The following PRKCI variants were observed in gnomAD, a reference collection of about 807,000 sequenced individuals.
PRKCI encodes protein kinase C iota type.
A neutral mutation model predicts 84.0 loss-of-function variants in PRKCI; 43 were observed. The ratio of observed to expected loss-of-function variants is 0.51; its 90% CI spans 0.40 to 0.66. The LOEUF (loss-of-function observed/expected upper bound fraction) is 0.66. PRKCI is among the 30% of genes least tolerant of loss of function. The pLI, the probability that PRKCI is intolerant of heterozygous loss-of-function variation, is 0.00. For synonymous variants in PRKCI, 216 were observed against 234.4 expected (o/e 0.92, Z 0.72); for missense variants, 459 against 745.6 (o/e 0.62, Z 4.48).
At chr3:170,302,776 G>A (rs915374955) in intron 17 of PRKCI, among the ~76,000 whole-genome samples, 2 of 152,146 alleles carry the variant, frequency 1.3e-5, no homozygotes, top group East Asian at 3.9e-4. Flanking sequence ...CTGGAATGGT[G>A]ACAACTGGTG....
chr3:170,271,322 C>G (rs915418521), intron 6 of PRKCI, among the ~76,000 whole-genome samples: 2 of 152,174 alleles, frequency 1.3e-5, no homozygotes, highest in African/African-American at 4.8e-5. Flanking sequence ...CACTTAACTT[C>G]CCCTTGCCCT....
chr3:170,259,916 C>A, intron 2 of PRKCI, 53 bp from the exon 3 acceptor site: 3 of 1,001,584 alleles, frequency 3.0e-6, no homozygotes, highest in South Asian at 3.7e-5. Context: ...GTTTAGTAAT[C>A]ATCACATTTA....
intron 2 of PRKCI, among the ~76,000 whole-genome samples, chr3:170,238,505 A>C (rs1577343182): frequency 6.8e-6 from 1 of 147,032 alleles, no homozygotes; most frequent in Non-Finnish European, 1.5e-5. Flanking sequence ...CATATTATAG[A>C]TGTTTCATGA....
chr3:170,231,270 A>G (rs867550613), intron 1 of PRKCI, among the ~76,000 whole-genome samples: 8 of 151,800 alleles, frequency 5.3e-5, no homozygotes, highest in South Asian at 2.1e-4. Context: ...CTATTCCTAT[A>G]TATTTTATAA....
intron 1 of PRKCI, among the ~76,000 whole-genome samples, chr3:170,229,641 G>A (rs1483138239): frequency 6.6e-6 from 1 of 152,148 alleles, no homozygotes; most frequent in Non-Finnish European, 1.5e-5. Flanking sequence ...AACATTTAAA[G>A]TTGTCTTCAT....
chr3:170,245,370 T>C (rs184658931), intron 2 of PRKCI, among the ~76,000 whole-genome samples: 2 of 152,258 alleles, frequency 1.3e-5, no homozygotes, highest in Admixed American at 1.3e-4. Flanking sequence ...TTTAATTAAA[T>C]TGTAGGACGC....
chr3:170,231,636 TG>T (rs1732796758), intron 1 of PRKCI, among the ~76,000 whole-genome samples: 1 of 151,936 alleles, frequency 6.6e-6, no homozygotes, highest in South Asian at 2.1e-4. Context: ...GGCTAATTTT[TG>T]TAGTTTTAGT....
rs375633881 is a variant in PRKCI, at chr3:170,280,361, T to C, written c.840T>C (p.Tyr280=). Residue 280 remains tyrosine, a synonymous_variant, in exon 9 of 18, where the codon TAT becomes TAC. Coordinates refer to ENST00000295797, the MANE Select transcript of PRKCI (RefSeq NM_002740.6). ...LVRLKKTDRI[Y]AMKVVKKELV... ...GATTAAAAAAAACAGATCGTATTTA[T>C]GCAATGAAAGTTGTGAAAAAAGAGC... 1.2e-6 allele frequency: 2 copies of C among 1,613,828 alleles called. No individual in the cohort carries two copies. The highest frequency in any genetic ancestry group is 2.7e-5 in the African/African-American group (2 of 74,910).
intron 11 of PRKCI, among the ~76,000 whole-genome samples, chr3:170,283,104 CA>C (rs892905150): frequency 0.083 from 8,916 of 107,364 alleles, 796 homozygotes; most frequent in African/African-American, 0.26. Flanking sequence ...GACTCCGTCT[CA>C]AAAAAAAAAA....
At chr3:170,262,057 A>G (rs1169165983) in intron 3 of PRKCI, among the ~76,000 whole-genome samples, 1 of 152,246 alleles carries the variant, frequency 6.6e-6, no homozygotes, top group Non-Finnish European at 1.5e-5. Context: ...TGCTTCCTAT[A>G]GTCTGTGCTC....
chr3:170,281,626 G>A (rs2292386), intron 10 of PRKCI: 8,023 of 437,974 alleles, frequency 0.018, 131 homozygotes, highest in East Asian at 0.072. Flanking sequence ...GCTAAAATTA[G>A]GATGGTAATG....
Position 170,275,209 on chromosome 3 carries a change from G to C in PRKCI, c.647-20G>C. The C allele has an allele frequency of 1.6e-6, 2 of 1,244,806 alleles. No homozygotes were observed. The highest frequency in any genetic ancestry group is 2.9e-5 in the East Asian group (1 of 34,128). 77.1% of individuals were successfully genotyped at this position (1,244,806 alleles called of 1,614,324 possible). ...CACCTTTTTTTTTTTTTTTTTTAAT[G>C]TTTGGTATTGGGTTTTTAGTAATTC... is the stretch of plus-strand genomic sequence containing the variant. On this transcript the variant is annotated intron_variant, in intron 7 of 17. Coordinates refer to ENST00000295797, the MANE Select transcript of PRKCI (RefSeq NM_002740.6).
At position 170,263,430 on chromosome 3, in the gene PRKCI, G is replaced by A; in HGVS notation, c.364+1G>A. 1 of 1,585,342 alleles carries A rather than the reference G, an allele frequency of 6.3e-7. No homozygotes were observed. Among genetic ancestry groups the A allele is most frequent in the Non-Finnish European group, 8.7e-7 (1 of 1,153,978 alleles). On this transcript the variant is annotated splice_donor_variant, in intron 4 of 17. Transcript: ENST00000295797. LOFTEE classifies it high-confidence loss of function. The stretch of plus-strand genomic sequence containing the variant: ...GGGATGCCTTGTCCAGGAGAAGATA[G>A]TGAGTGTTTATATACTTCATACCTT...
chr3:170,296,029 T>A, intron 15 of PRKCI, 39 bp downstream of exon 15: 1 of 1,211,404 alleles, frequency 8.3e-7, no homozygotes. Flanking sequence ...GATTTGTCTC[T>A]TTCTATATAT....
rs761805215 is a variant in PRKCI at position 170,275,209 on chromosome 3, G to A, written c.647-20G>A. The A allele has an allele frequency of 8.0e-7, 1 of 1,244,808 alleles. No individual in the cohort carries two copies. The highest frequency in any genetic ancestry group is 1.0e-6 in the Non-Finnish European group (1 of 970,476). The allele number at this position is 1,244,808 out of a possible 1,614,324, so 77.1% of individuals were successfully genotyped here. A position where few individuals can be genotyped will look rare whatever the true frequency, so the allele number is the denominator to read the frequency against. On this transcript the variant is annotated intron_variant, in intron 7 of 17. Transcript: ENST00000295797. ...CACCTTTTTTTTTTTTTTTTTTAAT[G>A]TTTGGTATTGGGTTTTTAGTAATTC... is the stretch of plus-strand genomic sequence containing the variant.
At chr3:170,257,647 T>G (rs1457689713) in intron 2 of PRKCI, among the ~76,000 whole-genome samples, 1 of 148,348 alleles carries the variant, frequency 6.7e-6, no homozygotes, top group East Asian at 2.0e-4. Context: ...AGTGTCAATC[T>G]GAATGGGAAA....
intron 2 of PRKCI, among the ~76,000 whole-genome samples, chr3:170,255,804 C>T (rs2108846590): frequency 6.6e-6 from 1 of 152,190 alleles, no homozygotes; most frequent in East Asian, 1.9e-4. Flanking sequence ...TCTTATATGG[C>T]TTTTATCGTG....
intron 2 of PRKCI, chr3:170,244,953 A>G (rs964134572): frequency 6.6e-6 from 1 of 152,230 alleles, no homozygotes; most frequent in African/African-American, 2.4e-5. Flanking sequence ...GATTACTAGG[A>G]AGAATGAATG....
At chr3:170,258,827 C>G (rs889944002) in intron 2 of PRKCI, among the ~76,000 whole-genome samples, 9 of 152,174 alleles carry the variant, frequency 5.9e-5, no homozygotes, top group Admixed American at 4.6e-4. Context: ...GAGGCTCTGT[C>G]ATGTGAAAGG....
Sources: gnomAD v4.1 joint callset for allele counts (sites outside exome capture counted in the v4.1 genomes callset) on GRCh38, gnomAD v4.1.1 for gene constraint, MANE v1.5 for transcripts, NCBI Gene and HGNC (gene_info 2026-07-23, HGNC 2026-07-21) for gene names.